CCDC148: variants seen among roughly 807,000 people sequenced by gnomAD.
The protein encoded by CCDC148 is coiled-coil domain-containing protein 148.
CCDC148 carries 89 observed loss-of-function variants against 85.7 expected under a neutral mutation model. The ratio of observed to expected loss-of-function variants is 1.04; its 90% CI spans 0.87 to 1.24. CCDC148 has a LOEUF of 1.24. Among genes scored for constraint, CCDC148 ranks in the 50% most tolerant of loss-of-function variants. The pLI, the probability that CCDC148 is intolerant of heterozygous loss-of-function variation, is 0.00. For synonymous variants in CCDC148, 230 were observed against 213.9 expected, an observed-to-expected ratio of 1.08 and a Z score of -0.66; for missense variants, 692 against 671.7, an observed-to-expected ratio of 1.03 and a Z score of -0.33.
chr2:158,267,797 C>T (rs981163471), intron 9 of CCDC148, among the ~76,000 whole-genome samples: 2 of 152,164 alleles, frequency 1.3e-5, no homozygotes, highest in Non-Finnish European at 2.9e-5. Flanking sequence ...TATTTTCTGT[C>T]CCTATAGTTT....
intron 10 of CCDC148, among the ~76,000 whole-genome samples, chr2:158,235,039 C>T (rs909234106): frequency 6.6e-6 from 1 of 152,034 alleles, no homozygotes; most frequent in Non-Finnish European, 1.5e-5. Context: ...GGCTTAATAC[C>T]TGGGTGATAC....
chr2:158,366,041 T>C, intron 1 of CCDC148: 1 of 1,543,866 alleles, frequency 6.5e-7, no homozygotes, highest in Admixed American at 2.0e-5. Flanking sequence ...TGAATTGTCA[T>C]GAATGGTTGG....
At chr2:158,284,568 A>G (rs1211182304) in intron 9 of CCDC148, among the ~76,000 whole-genome samples, 2 of 152,172 alleles carry the variant, frequency 1.3e-5, no homozygotes, top group Non-Finnish European at 2.9e-5. Flanking sequence ...AAGGAATCTG[A>G]GTGAAAAACT....
intron 9 of CCDC148, among the ~76,000 whole-genome samples, chr2:158,280,404 C>T (rs6437163): frequency 0.92 from 139,933 of 152,024 alleles, 64,469 homozygotes; most frequent in East Asian, 0.98. Flanking sequence ...GAGACACACA[C>T]AGGCTCAAAA....
chr2:158,304,500 C>T (rs1691590954), intron 9 of CCDC148, among the ~76,000 whole-genome samples: 1 of 152,230 alleles, frequency 6.6e-6, no homozygotes, highest in East Asian at 1.9e-4. Context: ...TTGGGGTCCC[C>T]TTACCTCTGG....
chr2:158,176,529 C>T lies in CCDC148; in HGVS notation c.1621G>A (p.Glu541Lys). 1 of 1,611,208 alleles carries T rather than the reference C, an allele frequency of 6.2e-7. No individual in the cohort carries two copies. Among genetic ancestry groups the T allele is most frequent in the Non-Finnish European group, 8.5e-7 (1 of 1,178,316 alleles). ...KPLFTLNTYN[E>K]QQIISDPRLR... The stretch of plus-strand genomic sequence containing the variant: ...CTAATTTCCATAATTACCTGCTGTT[C>T]ATTGTATGTATTCAATGTGAAGAGT... Residue 541 changes from glutamate to lysine, a missense_variant, in exon 13 of 14, where the codon GAA becomes AAA. Coordinates refer to ENST00000283233, the MANE Select transcript of CCDC148 (RefSeq NM_138803.4).
intron 1 of CCDC148, among the ~76,000 whole-genome samples, chr2:158,439,631 A>T (rs1478106175): frequency 1.3e-5 from 2 of 152,180 alleles, no homozygotes; most frequent in African/African-American, 2.4e-5. Context: ...ATAAAAAGAA[A>T]AAAAAAGATG....
intron 11 of CCDC148, among the ~76,000 whole-genome samples, chr2:158,211,361 T>A (rs1686568987): frequency 6.6e-6 from 1 of 152,186 alleles, no homozygotes; most frequent in Admixed American, 6.5e-5. Flanking sequence ...GCATCTGTGG[T>A]CAATTCATTG....
At chr2:158,389,226 A>G (rs1490814967) in intron 1 of CCDC148, among the ~76,000 whole-genome samples, 1 of 152,246 alleles carries the variant, frequency 6.6e-6, no homozygotes, top group Non-Finnish European at 1.5e-5. Flanking sequence ...ACACGTTTGT[A>G]TAACATAATA....
chr2:158,437,535 A>G (rs999622895), intron 1 of CCDC148, among the ~76,000 whole-genome samples: 1 of 152,248 alleles, frequency 6.6e-6, no homozygotes, highest in Non-Finnish European at 1.5e-5. Flanking sequence ...TGAATGGGCA[A>G]AAACTGGAAG....
rs1238306952 is a variant in CCDC148 at position 158,220,295 on chromosome 2, G to C, written c.1370+300C>G. The stretch of plus-strand genomic sequence containing the variant: ...TTTCCTCCTTCTGGGTCAAGAGATA[G>C]TTACAGCAGCAGCCAGTATCATTTT... On this transcript the variant is annotated intron_variant, in intron 11 of 13. Coordinates refer to ENST00000283233, the MANE Select transcript of CCDC148 (RefSeq NM_138803.4). 2.6e-5 allele frequency among the ~76,000 whole-genome samples: 4 copies of C among 152,154 alleles called. No homozygotes were observed. The East Asian group carries it at 5.8e-4, about 22-fold the overall frequency.
intron 7 of CCDC148, among the ~76,000 whole-genome samples, chr2:158,324,208 C>G (rs537572645): frequency 6.6e-6 from 1 of 152,024 alleles, no homozygotes; most frequent in Non-Finnish European, 1.5e-5. Flanking sequence ...TGAGCCACTG[C>G]ACCTGGCCCA....
intron 1 of CCDC148, among the ~76,000 whole-genome samples, chr2:158,426,752 G>A (rs1687097143): frequency 6.6e-6 from 1 of 152,126 alleles, no homozygotes; most frequent in Non-Finnish European, 1.5e-5. Flanking sequence ...AAAATTTGGT[G>A]CCTGTAACTT....
intron 9 of CCDC148, among the ~76,000 whole-genome samples, chr2:158,297,504 C>A (rs112736366): frequency 0.026 from 3,887 of 152,170 alleles, 65 homozygotes; most frequent in South Asian, 0.052. Flanking sequence ...AATGATGAAT[C>A]ATTACTGATT....
chr2:158,188,664 T>C (rs28635091), intron 11 of CCDC148, among the ~76,000 whole-genome samples: 74,255 of 151,716 alleles, frequency 0.49, 20,844 homozygotes, highest in African/African-American at 0.77. Context: ...AGGAAATACT[T>C]TTCTATACAT....
chr2:158,347,664 G>A (rs1398475476), intron 2 of CCDC148, among the ~76,000 whole-genome samples: 1 of 152,014 alleles, frequency 6.6e-6, no homozygotes, highest in Non-Finnish European at 1.5e-5. Flanking sequence ...GAAACCAGGG[G>A]TTTCCTGTAT....
At chr2:158,211,761 T>G (rs972666284) in intron 11 of CCDC148, among the ~76,000 whole-genome samples, 1 of 152,210 alleles carries the variant, frequency 6.6e-6, no homozygotes, top group Non-Finnish European at 1.5e-5. Flanking sequence ...TTGAATGACC[T>G]TCAGCTGTGC....
intron 11 of CCDC148, among the ~76,000 whole-genome samples, chr2:158,218,400 TTATAA>T (rs1167782042): frequency 6.6e-6 from 1 of 152,212 alleles, no homozygotes. Flanking sequence ...TTTTAGTATC[TTATAA>T]TATGCTTATT....
chr2:158,264,640 C>T (rs1689377201), intron 9 of CCDC148, among the ~76,000 whole-genome samples: 1 of 151,954 alleles, frequency 6.6e-6, no homozygotes, highest in East Asian at 1.9e-4. Context: ...AATTAAGGGG[C>T]TATTATATCC....
Sources: allele counts gnomAD v4.1 joint callset (sites outside exome capture counted in the v4.1 genomes callset), GRCh38; gene constraint gnomAD v4.1.1; transcripts MANE v1.5; gene names NCBI Gene and HGNC (gene_info 2026-07-23, HGNC 2026-07-21).